Variants in LINGO2 observed in about 807,000 individuals in gnomAD.
LINGO2 encodes leucine rich repeat and Ig domain containing 2.
A neutral mutation model predicts 30.6 loss-of-function variants in LINGO2; 14 were observed. That is an observed-to-expected ratio of 0.46 (90% CI 0.30 to 0.72). LINGO2 has a LOEUF of 0.72. LINGO2 is among the 30% of genes least tolerant of loss of function. LINGO2 has a pLI of 0.07. For synonymous variants in LINGO2, 317 were observed against 288.5 expected (o/e 1.10, Z -1.00); for missense variants, 729 against 751.7 (o/e 0.97, Z 0.35).
At chr9:28,274,324 CCACTTATGAG>C (rs1823043174) in intron 4 of LINGO2, among the ~76,000 whole-genome samples, 1 of 152,058 alleles carries the variant, frequency 6.6e-6, no homozygotes, top group South Asian at 2.1e-4. Context: ...TAACCCAGGT[CCACTTATGAG>C]CACATATTTT....
At chr9:28,494,459 CATGTG>C (rs1279452739) in intron 1 of LINGO2, among the ~76,000 whole-genome samples, 3 of 152,052 alleles carry the variant, frequency 2.0e-5, no homozygotes, top group African/African-American at 7.2e-5. Context: ...TGAGTGAGAA[CATGTG>C]ATGTTTGTTT....
chr9:28,088,405 C>T (rs116965259), intron 4 of LINGO2, among the ~76,000 whole-genome samples: 1 of 151,964 alleles, frequency 6.6e-6, no homozygotes, highest in Non-Finnish European at 1.5e-5. Context: ...CCAGACTACC[C>T]TGATAAAAGC....
At chr9:28,348,430 G>A (rs980731906) in intron 3 of LINGO2, among the ~76,000 whole-genome samples, 11 of 151,962 alleles carry the variant, frequency 7.2e-5, no homozygotes, top group Non-Finnish European at 1.3e-4. Context: ...AGAATACTGC[G>A]CTTTTCTGAC....
chr9:28,517,190 A>G (rs949559624), intron 1 of LINGO2, among the ~76,000 whole-genome samples: 4 of 152,320 alleles, frequency 2.6e-5, no homozygotes, highest in Admixed American at 2.0e-4. Context: ...ACAAATGAGT[A>G]TAAGTGGTGT....
the LINGO2 span, among the ~76,000 whole-genome samples, chr9:28,765,438 T>C: frequency 3.9e-5 from 6 of 152,024 alleles, no homozygotes; most frequent in Non-Finnish European, 7.3e-5. Flanking sequence ...TGATCCCCAA[T>C]GTGTGGTGGG....
At chr9:28,326,761 A>G (rs1825243751) in intron 3 of LINGO2, among the ~76,000 whole-genome samples, 1 of 152,250 alleles carries the variant, frequency 6.6e-6, no homozygotes, top group South Asian at 2.1e-4. Flanking sequence ...CATAGGCTCC[A>G]TAATTCACAA....
chr9:28,219,114 C>A (rs990627009), intron 4 of LINGO2, among the ~76,000 whole-genome samples: 10 of 152,138 alleles, frequency 6.6e-5, no homozygotes, highest in African/African-American at 2.2e-4. Context: ...CAACTTGACC[C>A]TATGAATATC....
chr9:28,526,076 A>AAAAAAAAAAAAAAG (rs1821025195), intron 1 of LINGO2, among the ~76,000 whole-genome samples: 1 of 150,106 alleles, frequency 6.7e-6, no homozygotes, highest in African/African-American at 2.5e-5. Flanking sequence ...AAAAAAAAAA[A>AAAAAAAAAAAAAAG]GCCATTGAGT....
the LINGO2 span, among the ~76,000 whole-genome samples, chr9:28,754,923 G>T: frequency 2.0e-5 from 3 of 151,858 alleles, no homozygotes; most frequent in African/African-American, 4.8e-5. Flanking sequence ...AAGCCACCAC[G>T]CCCAGCCTTA....
intron 1 of LINGO2, among the ~76,000 whole-genome samples, chr9:28,512,583 ATATAT>A (rs1820435754): frequency 2.0e-4 from 1 of 4,974 alleles, no homozygotes; most frequent in African/African-American, 5.0e-4. Flanking sequence ...CTAACAGGAT[ATATAT>A]GTGTGTATAT....
the LINGO2 span, chr9:27,940,695 A>T: frequency 6.6e-6 from 1 of 152,248 alleles, no homozygotes. Context: ...CATGACTGAG[A>T]AAAATGAAAG....
rs2134337619 is a variant in LINGO2 at position 28,329,486 on chromosome 9, T to C, written c.-245-34120A>G. ...CTTGTCATGTATATACAAGTTTTGC[T>C]CCTGTTCAATCTAAAATGCTCATGA... On this transcript the variant is annotated intron_variant, in intron 3 of 5. Coordinates refer to ENST00000379992, the Ensembl canonical transcript of LINGO2. The surrounding 1 kb of genome is among the most constrained non-coding windows in gnomAD (Gnocchi z 4.5). Among the ~76,000 whole-genome samples the C allele has an allele frequency of 6.6e-6, 1 of 152,274 alleles. No homozygotes were observed. The highest frequency in any genetic ancestry group is 2.4e-5 in the African/African-American group (1 of 41,550).
At chr9:28,750,435 A>G in the LINGO2 span, among the ~76,000 whole-genome samples, 1 of 152,236 alleles carries the variant, frequency 6.6e-6, no homozygotes, top group Non-Finnish European at 1.5e-5. Flanking sequence ...TGCTATGAAA[A>G]TACATTATCT....
At chr9:28,354,154 A>T (rs1210883464) in intron 3 of LINGO2, among the ~76,000 whole-genome samples, 1 of 144,190 alleles carries the variant, frequency 6.9e-6, no homozygotes, top group African/African-American at 2.8e-5. Flanking sequence ...AAGTTAATTA[A>T]AAAAAAAATG....
chr9:28,830,318 G>C, the LINGO2 span, among the ~76,000 whole-genome samples: 3 of 152,158 alleles, frequency 2.0e-5, no homozygotes, highest in Admixed American at 1.3e-4. Context: ...CTGGATGAGT[G>C]GGGTGGGGGC....
At chr9:28,020,586 A>G (rs1823069190) in intron 4 of LINGO2, among the ~76,000 whole-genome samples, 1 of 151,878 alleles carries the variant, frequency 6.6e-6, no homozygotes, top group East Asian at 1.9e-4. Context: ...AAAACAAGAA[A>G]GTGTTACCTC....
chr9:28,954,741 C>A, the LINGO2 span, among the ~76,000 whole-genome samples: 1 of 152,164 alleles, frequency 6.6e-6, no homozygotes, highest in Non-Finnish European at 1.5e-5. Flanking sequence ...GAATGACTAT[C>A]AAATAGTGAC....
Position 28,257,980 on chromosome 9 carries a change from C to T in LINGO2, c.-87+37228G>A, listed in dbSNP as rs192662938. 4.3e-4 allele frequency among the ~76,000 whole-genome samples: 66 copies of T among 152,034 alleles called. 1 individual carries two copies. The highest frequency in any genetic ancestry group is 4.0e-3 in the Admixed American group (61 of 15,240). On this transcript the variant is annotated intron_variant, in intron 4 of 5. Transcript: ENST00000379992. ...TTGATTAACGCATAAAAAGCAGTCA[C>T]ATAGGTAAGCAACCAAAGCAATACA...
At chr9:29,209,942 C>T in the LINGO2 span, among the ~76,000 whole-genome samples, 1 of 152,000 alleles carries the variant, frequency 6.6e-6, no homozygotes, top group African/African-American at 2.4e-5. Flanking sequence ...CATATAGTGA[C>T]CTCCTCTCCT....
Sources: allele counts gnomAD v4.1 joint callset (sites outside exome capture counted in the v4.1 genomes callset), GRCh38; gene constraint gnomAD v4.1.1; non-coding constraint Gnocchi (gnomAD v3.1); transcripts MANE v1.5; gene names NCBI Gene and HGNC (gene_info 2026-07-23, HGNC 2026-07-21).